The following TRMT2B variants were observed in gnomAD, a reference collection of about 807,000 sequenced individuals.
The protein encoded by TRMT2B is tRNA methyltransferase 2B.
In TRMT2B, 34 loss-of-function variants were observed where a neutral mutation model predicts 39.7. That is an observed-to-expected ratio of 0.86 (90% CI 0.65 to 1.14). The LOEUF is 1.14. TRMT2B is among the 50% of genes most tolerant of loss of function. The pLI is 0.00. For synonymous variants in TRMT2B, 132 were observed against 137.3 expected, an observed-to-expected ratio of 0.96 and a Z score of 0.27; for missense variants, 318 against 377.2, an observed-to-expected ratio of 0.84 and a Z score of 1.30.
chrX:101,045,045 G>A (rs1285183320), intron 2 of TRMT2B, among the ~76,000 whole-genome samples: 4 of 105,429 alleles, frequency 3.8e-5, no homozygotes, highest in East Asian at 6.1e-4. Flanking sequence ...AAAAAAGGGG[G>A]GGGTGGGGTG....
chrX:100,982,892 C>T, the TRMT2B span, among the ~76,000 whole-genome samples: 1 of 110,506 alleles, frequency 9.0e-6, no homozygotes, highest in South Asian at 3.9e-4. Flanking sequence ...AGTAGTGGTA[C>T]TCAAGCTTTA....
the TRMT2B span, among the ~76,000 whole-genome samples, chrX:100,991,290 G>A: frequency 9.0e-6 from 1 of 111,560 alleles, no homozygotes; most frequent in Non-Finnish European, 1.9e-5. Context: ...TCACATTAGG[G>A]ATGCTCAATC....
At chrX:101,020,797 G>A (rs2086764028) in intron 10 of TRMT2B, among the ~76,000 whole-genome samples, 1 of 111,756 alleles carries the variant, frequency 8.9e-6, no homozygotes, top group South Asian at 3.7e-4. Flanking sequence ...AGCCCCCTGA[G>A]TAGCTAAGAC....
At chrX:101,040,005 C>G (rs2088125269) in intron 4 of TRMT2B, among the ~76,000 whole-genome samples, 1 of 110,810 alleles carries the variant, frequency 9.0e-6, no homozygotes, top group African/African-American at 3.3e-5. Context: ...AGAAGAACTG[C>G]AGCTTGGGCC....
At chrX:101,031,445 C>A (rs1374247473) in intron 7 of TRMT2B, among the ~76,000 whole-genome samples, 2 of 112,260 alleles carry the variant, frequency 1.8e-5, no homozygotes, top group Non-Finnish European at 3.8e-5. Flanking sequence ...TGGTGGCTCA[C>A]GCCTGTAATG....
At chrX:100,976,971 A>G in the TRMT2B span, among the ~76,000 whole-genome samples, 1 of 112,723 alleles carries the variant, frequency 8.9e-6, no homozygotes, top group African/African-American at 3.2e-5. Context: ...AGAACTGTGA[A>G]CACTTGAAGA....
At position 101,041,431 on chromosome X, in the gene TRMT2B, A is replaced by G. The variant is rs1602658968; in HGVS notation, c.249-60T>C. The G allele has an allele frequency of 6.8e-6, 7 of 1,032,861 alleles. No homozygotes were observed. In the East Asian group the frequency reaches 2.3e-4, roughly 33 times the overall value. The allele number at this position is 1,032,861 out of a possible 1,213,427, so 85.1% of individuals were successfully genotyped here. A position where few individuals can be genotyped will look rare whatever the true frequency, so the allele number is the denominator to read the frequency against. Reference sequence around the variant, plus strand: ...TATAAATATGTACTGAGTGCCTACTATGCATAAGTACTTTCAGAAGACCTA... The same window carrying G: ...TATAAATATGTACTGAGTGCCTACTGTGCATAAGTACTTTCAGAAGACCTA... On this transcript the variant is annotated intron_variant, in intron 3 of 13. Coordinates refer to ENST00000372936, the MANE Select transcript of TRMT2B (RefSeq NM_024917.6).
chrX:100,977,369 C>CTT, the TRMT2B span, among the ~76,000 whole-genome samples: 235 of 56,448 alleles, frequency 4.2e-3, 34 homozygotes, highest in African/African-American at 0.015. Flanking sequence ...CTACTCTCTT[C>CTT]TTTTTTTTTT....
At chrX:100,986,731 C>T in the TRMT2B span, 23 of 718,900 alleles carry the variant, frequency 3.2e-5, no homozygotes, top group African/African-American at 4.7e-4. Flanking sequence ...TCTTTTCTCG[C>T]CTTTTGCTTC....
At chrX:100,980,975 CA>C in the TRMT2B span, among the ~76,000 whole-genome samples, 1 of 111,770 alleles carries the variant, frequency 8.9e-6, no homozygotes, top group Non-Finnish European at 1.9e-5. Context: ...AGTTGTAACA[CA>C]ATGTTCTCTT....
the TRMT2B span, among the ~76,000 whole-genome samples, chrX:100,998,534 G>A: frequency 3.3e-4 from 27 of 81,689 alleles, no homozygotes; most frequent in Non-Finnish European, 5.5e-4. Flanking sequence ...CAGCCTGGGC[G>A]ACAGAGCGAG....
chrX:100,997,834 C>T, the TRMT2B span, among the ~76,000 whole-genome samples: 1 of 111,993 alleles, frequency 8.9e-6, no homozygotes, highest in East Asian at 2.8e-4. Flanking sequence ...TTCTTCAAAC[C>T]GTATATAAAT....
intron 2 of TRMT2B, chrX:101,043,747 T>A (rs1031792418): frequency 3.6e-5 from 4 of 111,887 alleles, no homozygotes; most frequent in African/African-American, 6.5e-5. Flanking sequence ...ATGAATTAGA[T>A]GTTTGAAGGA....
In TRMT2B at chrX:101,030,451, A is replaced by ATTTTTTTTTTTT. The variant is rs1248355991; in HGVS notation, c.609+5161_609+5162insAAAAAAAAAAAA. 5.6e-4 allele frequency among the ~76,000 whole-genome samples: 26 copies of ATTTTTTTTTTTT among 46,564 alleles called. 2 individuals carry two copies. Among genetic ancestry groups the ATTTTTTTTTTTT allele is most frequent in the Non-Finnish European group, 7.4e-4 (19 of 25,508 alleles). The allele number at this position is 46,564 out of a possible 115,157, so 40.4% of individuals were successfully genotyped here. On this transcript the variant is annotated intron_variant, in intron 7 of 13. Coordinates refer to ENST00000372936, the MANE Select transcript of TRMT2B (RefSeq NM_024917.6). ...GCAGGAAAAGCCTATATAGATCTGC[A>ATTTTTTTTTTTT]TTCTTTTTTTTTTTTTTCAGATGGA...
chrX:101,008,324 A>C (rs1386087986), downstream of TRMT2B, among the ~76,000 whole-genome samples: 1 of 112,235 alleles, frequency 8.9e-6, no homozygotes, highest in African/African-American at 3.2e-5. Flanking sequence ...CCATCACATA[A>C]AATTTAAAAA....
intron 13 of TRMT2B, among the ~76,000 whole-genome samples, chrX:101,011,054 G>A (rs972598683): frequency 8.9e-6 from 1 of 111,843 alleles, no homozygotes; most frequent in Non-Finnish European, 1.9e-5. Context: ...TCTAAAAAGG[G>A]TTGTACCAAT....
At chrX:101,019,499 C>A (rs1220323323) in intron 11 of TRMT2B, 96 bp from the exon 12 acceptor site, 1 of 1,053,330 alleles carries the variant, frequency 9.5e-7, no homozygotes, top group Non-Finnish European at 1.3e-6. Context: ...GCTCTGCCAT[C>A]TTCCCTTTGG....
At chrX:101,041,978 A>C (rs915342426) in intron 3 of TRMT2B, 64 bp downstream of exon 3, 1 of 1,161,094 alleles carries the variant, frequency 8.6e-7, no homozygotes, top group East Asian at 3.0e-5. Context: ...CTAGGAATAC[A>C]GAATTTCAGC....
intron 6 of TRMT2B, among the ~76,000 whole-genome samples, chrX:101,036,310 G>C (rs1473006054): frequency 9.1e-6 from 1 of 109,348 alleles, no homozygotes; most frequent in Non-Finnish European, 1.9e-5. Context: ...GCTGGGTGTG[G>C]TGGTGCACAC....
Sources: allele counts gnomAD v4.1 joint callset (sites outside exome capture counted in the v4.1 genomes callset), GRCh38; gene constraint gnomAD v4.1.1; transcripts MANE v1.5; gene names NCBI Gene and HGNC (gene_info 2026-07-23, HGNC 2026-07-21).